The following STAG2 variants were observed in gnomAD, a reference collection of about 807,000 sequenced individuals.
The protein encoded by STAG2 is STAG2 cohesin complex component, also known as cohesin subunit SA-2.
Under a neutral mutation model 108.1 loss-of-function variants are expected in STAG2, and 14 were observed. The observed-to-expected ratio is 0.13, with a 90% CI of 0.09 to 0.20. The LOEUF (loss-of-function observed/expected upper bound fraction) is 0.20. Among genes scored for constraint, STAG2 ranks in the 10% least tolerant of loss-of-function variants. The pLI is 1.00. For missense variants in STAG2, 440 were observed against 940.9 expected (o/e 0.47, Z 6.96); for synonymous variants, 307 against 302.7 (o/e 1.01, Z -0.15).
chrX:124,032,415 CAAG>C (rs1475742224), intron 5 of STAG2, among the ~76,000 whole-genome samples: 2 of 111,007 alleles, frequency 1.8e-5, no homozygotes, highest in Non-Finnish European at 3.8e-5. Context: ...ATACAATACT[CAAG>C]GAGTATATAT....
intron 1 of STAG2, among the ~76,000 whole-genome samples, chrX:124,012,701 G>A (rs1247078014): frequency 9.0e-6 from 1 of 111,302 alleles, no homozygotes; most frequent in Non-Finnish European, 1.9e-5. Flanking sequence ...GAAAAAAGAG[G>A]CATTACATAT....
chrX:123,975,676 C>T (rs2054586706), intron 1 of STAG2, among the ~76,000 whole-genome samples: 1 of 111,642 alleles, frequency 9.0e-6, no homozygotes, highest in African/African-American at 3.3e-5. Flanking sequence ...GTTGGTCAGG[C>T]TGGTCTCGAA....
At chrX:124,067,318 GAGTGT>G (rs1338316071) in intron 23 of STAG2, among the ~76,000 whole-genome samples, 1 of 92,395 alleles carries the variant, frequency 1.1e-5, no homozygotes, top group African/African-American at 4.1e-5. Flanking sequence ...ATCCAGGCGG[GAGTGT>G]AGTGGTACAA....
intron 11 of STAG2, 43 bp from the exon 12 acceptor site, chrX:124,051,078 A>C (rs1178142786): frequency 1.3e-6 from 1 of 770,493 alleles, no homozygotes; most frequent in African/African-American, 2.2e-5. Context: ...AAATACATAG[A>C]GTTTTAATGC....
intron 20 of STAG2, 118 bp downstream of exon 20, chrX:124,064,169 G>A (rs1046302682): frequency 3.8e-6 from 2 of 519,673 alleles, no homozygotes; most frequent in African/African-American, 4.8e-5. Flanking sequence ...TTGAAAAGAT[G>A]TTCAGGCTTT....
chrX:124,075,952 TGGAA>T (rs1474329331), intron 25 of STAG2, among the ~76,000 whole-genome samples: 1 of 111,419 alleles, frequency 9.0e-6, no homozygotes, highest in Non-Finnish European at 1.9e-5. Context: ...GGATCATCCT[TGGAA>T]GGGATAGGAG....
intron 5 of STAG2, among the ~76,000 whole-genome samples, chrX:124,033,699 T>C (rs1365196532): frequency 9.0e-6 from 1 of 111,549 alleles, no homozygotes; most frequent in Non-Finnish European, 1.9e-5. Flanking sequence ...GAGGCGTAGG[T>C]TGCAGTGAGC....
chrX:124,071,409 A>G, intron 25 of STAG2, 86 bp downstream of exon 25: 1 of 760,074 alleles, frequency 1.3e-6, no homozygotes. Flanking sequence ...GTGCACTAAA[A>G]TATATTTTAT....
At chrX:124,090,463 C>G in intron 30 of STAG2, 112 bp from the exon 31 acceptor site, 1 of 646,162 alleles carries the variant, frequency 1.5e-6, no homozygotes, top group Non-Finnish European at 2.4e-6. Flanking sequence ...TCCCCCGTTC[C>G]TGTGACTTGC....
At chrX:123,997,078 TC>T (rs1466365886) in intron 1 of STAG2, among the ~76,000 whole-genome samples, 1 of 112,301 alleles carries the variant, frequency 8.9e-6, no homozygotes, top group Non-Finnish European at 1.9e-5. Context: ...TTCAGGACTT[TC>T]TATTCTATTT....
At chrX:123,961,621 G>T (rs2053860797), upstream of STAG2, 1 of 108,217 alleles carries the variant, frequency 9.2e-6, no homozygotes, top group Non-Finnish European at 1.9e-5. Context: ...GGAGGCGAGG[G>T]AAAATCTACT....
chrX:124,043,716 T>TA (rs1468847449), intron 7 of STAG2, among the ~76,000 whole-genome samples: 2 of 111,644 alleles, frequency 1.8e-5, no homozygotes, highest in Non-Finnish European at 3.8e-5. Flanking sequence ...AGTATATAGA[T>TA]ACTTTTATTG....
chrX:123,996,378 A>C (rs1339180333), intron 1 of STAG2, among the ~76,000 whole-genome samples: 1 of 112,193 alleles, frequency 8.9e-6, no homozygotes, highest in Non-Finnish European at 1.9e-5. Flanking sequence ...TGATGGACAT[A>C]AATTAAAAAA....
chrX:123,962,326 A>G (rs1444959630), intron 1 of STAG2, among the ~76,000 whole-genome samples: 2 of 110,922 alleles, frequency 1.8e-5, no homozygotes, highest in East Asian at 2.8e-4. Flanking sequence ...TTGTGAACGT[A>G]TTGTTGATTT....
chrX:124,068,929 C>T (rs931936465), intron 24 of STAG2, among the ~76,000 whole-genome samples: 1 of 111,530 alleles, frequency 9.0e-6, no homozygotes, highest in African/African-American at 3.3e-5. Context: ...AGACTTCATA[C>T]AAATTATAGA....
intron 1 of STAG2, among the ~76,000 whole-genome samples, chrX:124,001,862 T>C (rs971472369): frequency 1.8e-4 from 20 of 111,717 alleles, no homozygotes; most frequent in African/African-American, 6.5e-4. Flanking sequence ...CATGACTATA[T>C]ATTGAGGTAT....
In STAG2 at chrX:124,102,432, G is replaced by T. The variant is rs878893089; in HGVS notation, c.*1835G>T. On this transcript the variant is annotated 3_prime_UTR_variant, in exon 35 of 35. Coordinates refer to ENST00000371145, the MANE Select transcript of STAG2 (RefSeq NM_001042750.2). ...TCCTCCACATTCTATTGTCCTAATTGTACTGTTTTCTGATTTGTATTTATG... is the reference window on the plus strand; with the variant it reads ...TCCTCCACATTCTATTGTCCTAATTTTACTGTTTTCTGATTTGTATTTATG... The T allele has an allele frequency of 6.5e-6, 1 of 154,335 alleles. No individual in the cohort carries two copies. The highest frequency in any genetic ancestry group is 3.3e-4 in the South Asian group (1 of 3,055). The allele number at this position is 154,335 out of a possible 1,213,427, so 12.7% of individuals were successfully genotyped here. A position where few individuals can be genotyped will look rare whatever the true frequency, so the allele number is the denominator to read the frequency against.
intron 1 of STAG2, among the ~76,000 whole-genome samples, chrX:124,013,226 TTTG>T (rs1408059441): frequency 9.0e-6 from 1 of 111,520 alleles, no homozygotes; most frequent in Non-Finnish European, 1.9e-5. Context: ...CCCATGTTTA[TTTG>T]TTATGTCTTA....
intron 1 of STAG2, among the ~76,000 whole-genome samples, chrX:124,000,150 T>C (rs780496962): frequency 4.5e-5 from 5 of 110,804 alleles, no homozygotes; most frequent in Admixed American, 9.7e-5. Context: ...AATATTGTAA[T>C]GGAGCTAAAA....
Sources: gnomAD v4.1 joint callset for allele counts (sites outside exome capture counted in the v4.1 genomes callset) on GRCh38, gnomAD v4.1.1 for gene constraint, MANE v1.5 for transcripts, NCBI Gene and HGNC (gene_info 2026-07-23, HGNC 2026-07-21) for gene names.